AKAP6: variants seen among roughly 807,000 people sequenced by gnomAD.
AKAP6 encodes the protein A-kinase anchoring protein 6.
In AKAP6, 58 loss-of-function variants were observed where a neutral mutation model predicts 188.5. That is an observed-to-expected ratio of 0.31 (90% confidence interval 0.25 to 0.38). AKAP6 has a LOEUF of 0.38. Ranked by LOEUF, AKAP6 falls within the 10% of genes least tolerant of loss-of-function variation. The probability of loss-of-function intolerance (pLI) is 1.00; values close to 1 mark genes in which losing one functional copy is unlikely to be tolerated. For synonymous variants in AKAP6, 989 were observed against 998.6 expected, an observed-to-expected ratio of 0.99 and a Z score of 0.18; for missense variants, 2,710 against 2,740.0, an observed-to-expected ratio of 0.99 and a Z score of 0.24.
In AKAP6 at chr14:32,822,599, T is replaced by G; in HGVS notation, c.4786T>G (p.Leu1596Val). 1 of 1,613,964 alleles carries G rather than the reference T, an allele frequency of 6.2e-7. No homozygotes were observed. Among genetic ancestry groups the G allele is most frequent in the South Asian group, 1.1e-5 (1 of 91,072 alleles). The change falls in exon 13 of 14, where the codon TTA (leucine) becomes GTA (valine). Residue 1596 changes from leucine to valine, a missense_variant. Coordinates refer to ENST00000280979, the MANE Select transcript of AKAP6 (RefSeq NM_004274.5). ...GSDSLQRSTSLESWLTSYKSN... is the reference protein window; with the variant it reads ...GSDSLQRSTSVESWLTSYKSN... ...TGACAGCCTCCAGCGAAGCACTTCT[T>G]TAGAAAGTTGGTTGACTTCCTATAA...
chr14:32,681,539 T>A (rs553470810), intron 8 of AKAP6, among the ~76,000 whole-genome samples: 5 of 152,310 alleles, frequency 3.3e-5, no homozygotes, highest in African/African-American at 9.6e-5. Context: ...CTGTATGAAA[T>A]TTGAACTAAG....
Position 32,695,990 on chromosome 14 carries a change from G to A in AKAP6, c.2880G>A (p.Gly960=). The A allele has an allele frequency of 6.2e-7, 1 of 1,611,772 alleles. No individual in the cohort carries two copies. The highest frequency in any genetic ancestry group is 8.5e-7 in the Non-Finnish European group (1 of 1,179,410). Residue 960 remains glycine (G), a splice_region_variant and synonymous_variant, in exon 9 of 14, where the codon GGG becomes GGA. Coordinates refer to ENST00000280979, the MANE Select transcript of AKAP6 (RefSeq NM_004274.5). The part of the protein sequence containing the change: ...MSKVHSVGSN[G]LLDFDSEYQE... The stretch of plus-strand genomic sequence containing the variant: ...ACTACATTTTGCGCCTTATCTTCAG[G>A]CTTCTGGACTTTGATTCAGAATATC...
At chr14:32,792,698 G>T (rs1368208245) in intron 12 of AKAP6, among the ~76,000 whole-genome samples, 1 of 152,112 alleles carries the variant, frequency 6.6e-6, no homozygotes, top group Non-Finnish European at 1.5e-5. Flanking sequence ...TCTTATGCTG[G>T]TTTTCAAAGG....
At chr14:32,775,268 A>C (rs747002020) in intron 12 of AKAP6, among the ~76,000 whole-genome samples, 1 of 152,048 alleles carries the variant, frequency 6.6e-6, no homozygotes, top group Admixed American at 6.5e-5. Flanking sequence ...AGTGGCCATA[A>C]GATATATGCA....
intron 2 of AKAP6, among the ~76,000 whole-genome samples, chr14:32,510,559 T>C (rs1190604760): frequency 6.7e-6 from 1 of 149,800 alleles, no homozygotes; most frequent in East Asian, 1.9e-4. Flanking sequence ...AATTTCTCTG[T>C]ATACTTGTTT....
intron 1 of AKAP6, among the ~76,000 whole-genome samples, chr14:32,346,154 C>T (rs1887058389): frequency 6.6e-6 from 1 of 152,106 alleles, no homozygotes; most frequent in Non-Finnish European, 1.5e-5. Context: ...CTGGCAGTGC[C>T]CAGAAATAAC....
chr14:32,802,312 T>C (rs2033972808), intron 12 of AKAP6, among the ~76,000 whole-genome samples: 1 of 152,228 alleles, frequency 6.6e-6, no homozygotes, highest in Admixed American at 6.5e-5. Context: ...ACTGTGACTA[T>C]ATAAATATTT....
chr14:32,510,550 A>G (rs1566547104), intron 2 of AKAP6, among the ~76,000 whole-genome samples: 1 of 147,942 alleles, frequency 6.8e-6, no homozygotes, highest in South Asian at 2.1e-4. Flanking sequence ...TTTTGATACA[A>G]TTTCTCTGTA....
intron 8 of AKAP6, among the ~76,000 whole-genome samples, chr14:32,694,102 C>T (rs1396168546): frequency 6.6e-6 from 1 of 151,910 alleles, no homozygotes; most frequent in Non-Finnish European, 1.5e-5. Context: ...TGGCTCATGC[C>T]TGTAATCCCA....
In AKAP6 at chr14:32,546,441, ACTT is replaced by A; in HGVS notation, c.1792_1794del (p.Leu598del). ...CAGACAACATCATGTCTCCGGTGCC[ACTT>A]CTTTCAAAACACAAAAGCAAAAAAG... On this transcript the variant is annotated inframe_deletion, in exon 4 of 14. Transcript: ENST00000280979. The A allele has an allele frequency of 6.2e-7, 1 of 1,614,156 alleles. No homozygotes were observed. The highest frequency in any genetic ancestry group is 8.5e-7 in the Non-Finnish European group (1 of 1,180,014).
intron 2 of AKAP6, chr14:32,474,100 G>A (rs1878929350): frequency 6.6e-6 from 1 of 152,178 alleles, no homozygotes; most frequent in Admixed American, 6.6e-5. Context: ...GTTTCACTAT[G>A]TTGGCCAGGC....
intron 4 of AKAP6, 123 bp downstream of exon 4, chr14:32,547,122 C>A: frequency 1.0e-6 from 1 of 987,858 alleles, no homozygotes; most frequent in Non-Finnish European, 1.4e-6. Flanking sequence ...TCTGATTCTC[C>A]AAAGAAAGAA....
intron 7 of AKAP6, among the ~76,000 whole-genome samples, chr14:32,612,384 T>C (rs566773536): frequency 2.0e-5 from 3 of 152,292 alleles, no homozygotes; most frequent in Admixed American, 2.0e-4. Context: ...TATAATAATA[T>C]CATGTGTAGT....
In AKAP6 at chr14:32,545,462, G is replaced by C. The variant is rs752009306; in HGVS notation, c.809G>C (p.Arg270Pro). 1 of 1,614,052 alleles carries C rather than the reference G, an allele frequency of 6.2e-7. No individual in the cohort carries two copies. The highest frequency in any genetic ancestry group is 8.5e-7 in the Non-Finnish European group (1 of 1,180,020). The change falls in exon 4 of 14, where the codon CGA becomes CCA. Residue 270 changes from arginine (R) to proline (P), a missense_variant. Around this residue, in one of 2 missense-constraint regions of AKAP6, gnomAD observed 2,473 missense variants for 2,426.1 expected, o/e 1.02. Transcript: ENST00000280979. ...GAAAAGGAGTTTCCTGAGCTTATCC[G>C]AAGTGTTGGTTTACTTACGGTAGCT... ...EMEKEFPELIRSVGLLTVAAD... is the reference protein window; with the variant it reads ...EMEKEFPELIPSVGLLTVAAD...
At chr14:32,740,429 G>A (rs8005052) in intron 11 of AKAP6, among the ~76,000 whole-genome samples, 151,102 of 152,188 alleles carry the variant, frequency 0.99, 75,023 homozygotes, top group Middle Eastern at 1. Context: ...ATGAGGTATT[G>A]CCCCAGAAAT....
intron 7 of AKAP6, among the ~76,000 whole-genome samples, chr14:32,613,596 T>C (rs1886439899): frequency 6.6e-6 from 1 of 152,206 alleles, no homozygotes; most frequent in Non-Finnish European, 1.5e-5. Context: ...TATAAACTTG[T>C]GATTCTGATG....
intron 7 of AKAP6, among the ~76,000 whole-genome samples, chr14:32,637,893 A>G (rs1887577054): frequency 6.6e-6 from 1 of 152,104 alleles, no homozygotes; most frequent in Admixed American, 6.6e-5. Context: ...AATATCACTT[A>G]CACTGGAATT....
At position 32,489,612 on chromosome 14, in the gene AKAP6, C is replaced by G. The variant is rs541887601; in HGVS notation, c.325-45942C>G. 1.2e-4 allele frequency among the ~76,000 whole-genome samples: 19 copies of G among 152,164 alleles called. 1 individual carries two copies. The South Asian group carries it at 3.9e-3, about 32-fold the overall frequency. ...ACCTGTAATTACCTAGATTAAAAAA[C>G]AAAAATAGAACTTTGCCAGAGAAAG... On this transcript the variant is annotated intron_variant, in intron 2 of 13. Transcript: ENST00000280979.
Position 32,385,102 on chromosome 14 carries a change from G to T in AKAP6, c.-34-48358G>T, listed in dbSNP as rs937250668. ...ATGATGCTGTCGCTGGTCTTGCTTG[G>T]CCTTCACCTTCAATAAGAAACTCCA... On this transcript the variant is annotated intron_variant, in intron 1 of 13. Transcript: ENST00000280979. 9 of 150,868 alleles carry T rather than the reference G, an allele frequency of 6.0e-5. No individual in the cohort carries two copies. In the East Asian group the frequency reaches 1.2e-3, roughly 20 times the overall value. The allele number at this position is 150,868 out of a possible 1,614,324, so 9.3% of individuals were successfully genotyped here. A position where few individuals can be genotyped will look rare whatever the true frequency, so the allele number is the denominator to read the frequency against.
Sources: gnomAD v4.1 joint callset for allele counts (sites outside exome capture counted in the v4.1 genomes callset) on GRCh38, gnomAD v4.1.1 for gene constraint, gnomAD v4.1.1 regional missense constraint, MANE v1.5 for transcripts, NCBI Gene and HGNC (gene_info 2026-07-23, HGNC 2026-07-21) for gene names.